SYNE2: variants seen among roughly 807,000 people sequenced by gnomAD.
The protein encoded by SYNE2 is spectrin repeat containing nuclear envelope protein 2.
Under a neutral mutation model 856.3 loss-of-function variants are expected in SYNE2, and 431 were observed. The observed-to-expected ratio is 0.50, with a 90% CI of 0.47 to 0.55. The LOEUF (loss-of-function observed/expected upper bound fraction) is 0.55. Among genes scored for constraint, SYNE2 ranks in the 20% least tolerant of loss-of-function variants. The pLI is 0.00. For synonymous variants in SYNE2, 2,923 were observed against 2,872.3 expected, an observed-to-expected ratio of 1.02 and a Z score of -0.56; for missense variants, 8,129 against 8,023.2, an observed-to-expected ratio of 1.01 and a Z score of -0.50.
intron 6 of SYNE2, among the ~76,000 whole-genome samples, chr14:63,948,720 GTGTATATATA>G (rs1354974127): frequency 2.9e-4 from 20 of 70,128 alleles, no homozygotes; most frequent in East Asian, 7.0e-4. Flanking sequence ...ATATATATGT[GTGTATATATA>G]TGTGTATAGA....
chr14:64,176,772 T>C (rs1425148310), intron 95 of SYNE2, among the ~76,000 whole-genome samples: 1 of 151,038 alleles, frequency 6.6e-6, no homozygotes, highest in Admixed American at 6.6e-5. Context: ...AGGAAGAACT[T>C]TTTTATTTTT....
chr14:64,148,517 C>T (rs1232163379), intron 84 of SYNE2, among the ~76,000 whole-genome samples: 3 of 152,044 alleles, frequency 2.0e-5, no homozygotes, highest in Non-Finnish European at 2.9e-5. Context: ...ATTATTTCTA[C>T]TTCCCTCCCC....
chr14:63,991,742 C>A (rs778190016), intron 21 of SYNE2, among the ~76,000 whole-genome samples: 7 of 152,102 alleles, frequency 4.6e-5, no homozygotes, highest in Non-Finnish European at 8.8e-5. Context: ...AATGCCTCTA[C>A]CTTGGAGCAA....
At chr14:63,924,832 G>GTTTTTTTT (rs1491139905) in intron 2 of SYNE2, among the ~76,000 whole-genome samples, 3,721 of 92,622 alleles carry the variant, frequency 0.04, 897 homozygotes, top group East Asian at 0.052. Flanking sequence ...TCCAGCCTTG[G>GTTTTTTTT]TGTTTTTTTT....
At position 63,990,566 on chromosome 14, in the gene SYNE2, C is replaced by T. The variant is rs575027537; in HGVS notation, c.2469C>T (p.Val823=). 1 of 1,613,256 alleles carries T rather than the reference C, an allele frequency of 6.2e-7. No homozygotes were observed. The highest frequency in any genetic ancestry group is 1.1e-5 in the South Asian group (1 of 91,054). The change falls in exon 20 of 116, where the codon GTC becomes GTT. Residue 823 remains valine, a synonymous_variant. Transcript: ENST00000555002. The stretch of plus-strand genomic sequence containing the variant: ...AGATTCAAGAAGCTAAAGAGAAAGT[C>T]CAGGTCTCTCTTTAATATTCCCTAT... ...QAKIQEAKEK[V]QINVVKLIAA...
chr14:64,209,922 ACCCCTC>A lies in SYNE2; in HGVS notation c.18541-17_18541-12del. ...TGGCACTCTGCATGCTTTGGCTCTG[ACCCCTC>A]CCATGTGATGCAGGCCTTTCAGCGG... On this transcript the variant is annotated splice_polypyrimidine_tract_variant and intron_variant, in intron 102 of 115. Transcript: ENST00000555002. 1 of 1,613,794 alleles carries A rather than the reference ACCCCTC, an allele frequency of 6.2e-7. No homozygotes were observed. Among genetic ancestry groups the A allele is most frequent in the Non-Finnish European group, 8.5e-7 (1 of 1,179,986 alleles).
intron 41 of SYNE2, 108 bp from the exon 42 acceptor site, chr14:64,026,471 T>TA (rs2096979710): frequency 9.3e-6 from 8 of 857,198 alleles, no homozygotes; most frequent in Non-Finnish European, 1.5e-5. Context: ...TATGTTGAAA[T>TA]ATACCCTACA....
At chr14:64,045,302 A>T (rs4275767) in intron 45 of SYNE2, among the ~76,000 whole-genome samples, 1 of 152,026 alleles carries the variant, frequency 6.6e-6, no homozygotes, top group Admixed American at 6.6e-5. Flanking sequence ...GTTGTGTAAC[A>T]GTAGTCCTCA....
Position 64,051,602 on chromosome 14 carries a change from C to A in SYNE2, c.7689C>A (p.Phe2563Leu), listed in dbSNP as rs79571143. ...SVTYLDKIKK[F>L]IASIEKEKDS... ...CGTATCTGGACAAAATTAAAAAATT[C>A]ATAGCATCCATAGAAAAAGAGAAAG... is the stretch of plus-strand genomic sequence containing the variant. The change falls in exon 48 of 116, where the codon TTC becomes TTA. Residue 2563 changes from phenylalanine to leucine, a missense_variant. Physicochemically the swap from Phe to Leu is conservative, Grantham distance 22. Transcript: ENST00000555002. 4 of 1,613,602 alleles carry A rather than the reference C, an allele frequency of 2.5e-6. No homozygotes were observed. The South Asian group carries it at 3.3e-5, about 13-fold the overall frequency.
intron 1 of SYNE2, among the ~76,000 whole-genome samples, chr14:63,784,947 T>G (rs1887458459): frequency 1.1e-5 from 1 of 89,976 alleles, no homozygotes; most frequent in African/African-American, 3.3e-5. Context: ...TGGACTGTTA[T>G]TTTTTTGGGG....
intron 1 of SYNE2, among the ~76,000 whole-genome samples, chr14:63,904,183 T>G (rs1226996943): frequency 6.6e-6 from 1 of 152,226 alleles, no homozygotes; most frequent in Admixed American, 6.5e-5. Context: ...TAGTATTCCA[T>G]GGTGTGTATG....
intron 84 of SYNE2, among the ~76,000 whole-genome samples, chr14:64,150,321 A>AAG (rs766798501): frequency 1.7e-5 from 2 of 119,418 alleles, no homozygotes; most frequent in African/African-American, 3.2e-5. Flanking sequence ...AAAAAAAAAA[A>AAG]GGATCCTCCC....
At position 64,197,597 on chromosome 14, in the gene SYNE2, C is replaced by T. The variant is rs568409420; in HGVS notation, c.18039-5204C>T. Among the ~76,000 whole-genome samples the T allele has an allele frequency of 2.6e-5, 4 of 152,246 alleles. No homozygotes were observed. In the South Asian group the frequency reaches 8.3e-4, roughly 32 times the overall value. On this transcript the variant is annotated intron_variant, in intron 99 of 115. Transcript: ENST00000555002. ...CAGATACTTGAACCATCTCAGTTTT[C>T]CTTAGTATTTTTTAAATTAGGCATA...
In SYNE2 at chr14:63,997,130, C is replaced by G; in HGVS notation, c.3124C>G (p.Pro1042Ala). The part of the protein sequence containing the change: ...CASEIHMTLQ[P>A]TAGGTSKNEG... ...TTCCGAGATTCATATGACACTGCAG[C>G]CCACAGCGGGAGGCACGTCGAAAAA... The change falls in exon 24 of 116, where the codon CCC becomes GCC. Residue 1042 changes from proline (P) to alanine (A), a missense_variant. By Grantham distance (27) the Pro-to-Ala change is conservative (BLOSUM62 -1). Transcript: ENST00000555002. The G allele has an allele frequency of 6.2e-7, 1 of 1,614,050 alleles. No homozygotes were observed. The highest frequency in any genetic ancestry group is 8.5e-7 in the Non-Finnish European group (1 of 1,179,972).
intron 99 of SYNE2, among the ~76,000 whole-genome samples, chr14:64,197,858 G>A (rs7143846): frequency 0.049 from 7,466 of 152,260 alleles, 294 homozygotes; most frequent in Non-Finnish European, 0.078. Context: ...CTCATCCATT[G>A]CTAGTTAAAA....
chr14:64,065,662 A>G lies in SYNE2; in HGVS notation c.10431+12A>G, dbSNP rs2097353282. On this transcript the variant is annotated intron_variant, in intron 51 of 115. Coordinates refer to ENST00000555002, the MANE Select transcript of SYNE2 (RefSeq NM_182914.3). ...TTGTCAGTGAAGAAGTGAGTGCTTC[A>G]TTTTCAACAAACCATGTAGTTTCTA... 1.9e-6 allele frequency: 3 copies of G among 1,613,792 alleles called. No individual in the cohort carries two copies. The highest frequency in any genetic ancestry group is 1.7e-5 in the Admixed American group (1 of 59,978).
intron 1 of SYNE2, among the ~76,000 whole-genome samples, chr14:63,835,279 G>T (rs1889810851): frequency 6.6e-6 from 1 of 151,942 alleles, no homozygotes; most frequent in Non-Finnish European, 1.5e-5. Flanking sequence ...TGTTGCCCAG[G>T]CTGGAGTACA....
At chr14:63,873,390 C>T (rs1197325149) in intron 1 of SYNE2, 2 of 151,760 alleles carry the variant, frequency 1.3e-5, no homozygotes, top group Non-Finnish European at 2.9e-5. Flanking sequence ...TGAGTACTTA[C>T]CTTTTTTGTT....
chr14:63,881,461 C>G (rs961261473), intron 1 of SYNE2, among the ~76,000 whole-genome samples: 1 of 151,816 alleles, frequency 6.6e-6, no homozygotes, highest in South Asian at 2.1e-4. Context: ...CCAGCCTAGG[C>G]AGCATAGTGA....
Sources: gnomAD v4.1 joint callset for allele counts (sites outside exome capture counted in the v4.1 genomes callset) on GRCh38, gnomAD v4.1.1 for gene constraint, MANE v1.5 for transcripts, NCBI Gene and HGNC (gene_info 2026-07-23, HGNC 2026-07-21) for gene names.